Variants in PTPRN2 observed in about 807,000 individuals in gnomAD.
The protein encoded by PTPRN2 is receptor-type tyrosine-protein phosphatase N2.
PTPRN2 carries 74 observed loss-of-function variants against 118.8 expected under a neutral mutation model. That is an observed-to-expected ratio of 0.62 (90% CI 0.52 to 0.76). The LOEUF (loss-of-function observed/expected upper bound fraction) is 0.76, where lower values mean the gene tolerates loss of function less well. Among genes scored for constraint, PTPRN2 ranks in the 30% least tolerant of loss-of-function variants. The pLI, the probability that PTPRN2 is intolerant of heterozygous loss-of-function variation, is 0.00. For missense variants in PTPRN2, 1,481 were observed against 1,394.4 expected, an observed-to-expected ratio of 1.06 and a Z score of -0.99; for synonymous variants, 641 against 608.0, an observed-to-expected ratio of 1.05 and a Z score of -0.80.
chr7:157,997,560 G>A lies in PTPRN2; in HGVS notation c.1723+83738C>T, dbSNP rs917737877. Among the ~76,000 whole-genome samples the A allele has an allele frequency of 1.9e-4, 29 of 152,286 alleles. No individual in the cohort carries two copies. The East Asian group carries it at 5.3e-3, about 28-fold the overall frequency. ...AGAGGGAAGGACCAGGGAGGAGAAG[G>A]GAGCCACATTAGCCTGGCTGGGTGG... is the stretch of plus-strand genomic sequence containing the variant. On this transcript the variant is annotated intron_variant, in intron 11 of 22. Transcript: ENST00000389418.
intron 10 of PTPRN2, among the ~76,000 whole-genome samples, chr7:158,101,292 T>C (rs1815206185): frequency 6.6e-6 from 1 of 152,102 alleles, no homozygotes; most frequent in Non-Finnish European, 1.5e-5. Flanking sequence ...TAGTCAAAAA[T>C]GGTGCTGGGA....
At chr7:157,941,294 T>C (rs572466520) in intron 11 of PTPRN2, among the ~76,000 whole-genome samples, 4 of 64,770 alleles carry the variant, frequency 6.2e-5, no homozygotes, top group South Asian at 1.2e-3. Context: ...AATCTAACAC[T>C]CTCCCCTGTG....
intron 3 of PTPRN2, among the ~76,000 whole-genome samples, chr7:158,290,028 C>T (rs1800012838): frequency 6.6e-6 from 1 of 152,124 alleles, no homozygotes; most frequent in Non-Finnish European, 1.5e-5. Context: ...TAAGGCAGGA[C>T]TGGTGCTAGG....
In PTPRN2 at chr7:158,234,900, T is replaced by C. The variant is rs185955717; in HGVS notation, c.278-29627A>G. The stretch of plus-strand genomic sequence containing the variant: ...GCCTCAGCCTCCCGAGTAGCTGGGA[T>C]TACAGGCACCTGCCACCACACCCGG... On this transcript the variant is annotated intron_variant, in intron 3 of 22. Coordinates refer to ENST00000389418, the MANE Select transcript of PTPRN2 (RefSeq NM_002847.5). Among the ~76,000 whole-genome samples, 1,376 of 152,192 alleles carry C rather than the reference T, an allele frequency of 9.0e-3. 26 individuals are homozygous for C. Among genetic ancestry groups the C allele is most frequent in the African/African-American group, 0.031 (1,303 of 41,530 alleles).
intron 11 of PTPRN2, among the ~76,000 whole-genome samples, chr7:157,957,080 T>C (rs1340559474): frequency 1.3e-5 from 2 of 152,184 alleles, no homozygotes; most frequent in African/African-American, 4.8e-5. Flanking sequence ...GGAAATACAT[T>C]TGACCTCCAT....
intron 12 of PTPRN2, among the ~76,000 whole-genome samples, chr7:157,792,922 C>T (rs888796932): frequency 5.3e-5 from 8 of 152,188 alleles, no homozygotes; most frequent in Non-Finnish European, 7.4e-5. Flanking sequence ...CCCAGGGCCG[C>T]GGGTGCCGAG....
chr7:157,775,916 G>T (rs1352209715), intron 12 of PTPRN2, among the ~76,000 whole-genome samples: 1 of 152,066 alleles, frequency 6.6e-6, no homozygotes, highest in African/African-American at 2.4e-5. Flanking sequence ...ATGCTATAGG[G>T]ATGGTCAGTG....
At chr7:157,833,649 T>G (rs1807738342) in intron 12 of PTPRN2, among the ~76,000 whole-genome samples, 1 of 152,256 alleles carries the variant, frequency 6.6e-6, no homozygotes, top group Non-Finnish European at 1.5e-5. Context: ...ATGGTAAACT[T>G]GATGGAGCAT....
At chr7:158,095,189 C>G (rs1289093109) in intron 10 of PTPRN2, among the ~76,000 whole-genome samples, 4 of 151,702 alleles carry the variant, frequency 2.6e-5, no homozygotes, top group African/African-American at 9.7e-5. Context: ...ACGTCTCTGA[C>G]TGGAGAGACA....
intron 12 of PTPRN2, among the ~76,000 whole-genome samples, chr7:157,895,037 C>T (rs987788563): frequency 6.5e-4 from 78 of 119,308 alleles, no homozygotes; most frequent in African/African-American, 2.1e-3. Flanking sequence ...TCATCAACCA[C>T]AAAAGAGGAC....
At chr7:157,905,865 TC>T (rs1797741510) in intron 11 of PTPRN2, among the ~76,000 whole-genome samples, 1 of 152,148 alleles carries the variant, frequency 6.6e-6, no homozygotes, top group Admixed American at 6.5e-5. Context: ...ACCACTGGCT[TC>T]CTTAGGAAGG....
chr7:157,725,529 TCACCTCCCAGGAGAACTGGATATCC>T (rs1171936695), intron 12 of PTPRN2, among the ~76,000 whole-genome samples: 29 of 94,402 alleles, frequency 3.1e-4, no homozygotes, highest in African/African-American at 1.1e-3. Context: ...GGCCAGACCC[TCACCTCCCAGGAGAACTGGATATCC>T]ACACGCAGAG....
chr7:157,753,218 G>A (rs1051639361), intron 12 of PTPRN2, among the ~76,000 whole-genome samples: 3 of 152,180 alleles, frequency 2.0e-5, no homozygotes, highest in East Asian at 1.9e-4. Context: ...CTGTCCCCCG[G>A]GCAGTGCCAT....
At chr7:157,748,731 G>A in intron 12 of PTPRN2, among the ~76,000 whole-genome samples, 1 of 138,084 alleles carries the variant, frequency 7.2e-6, no homozygotes, top group South Asian at 2.5e-4. Flanking sequence ...CTGCGTCCCT[G>A]AGCTGTGGGC....
intron 2 of PTPRN2, among the ~76,000 whole-genome samples, chr7:158,470,246 GC>G (rs1563331551): frequency 6.6e-6 from 1 of 152,208 alleles, no homozygotes; most frequent in East Asian, 1.9e-4. Flanking sequence ...AAAAACTAAG[GC>G]CGACCAATAG....
chr7:158,079,764 C>G (rs982051782), intron 11 of PTPRN2, among the ~76,000 whole-genome samples: 4 of 152,214 alleles, frequency 2.6e-5, no homozygotes, highest in Admixed American at 2.6e-4. Context: ...GGCACTGAAG[C>G]CGTTGTTGGG....
In PTPRN2 at chr7:157,621,435, C is replaced by T. The variant is rs115236051; in HGVS notation, c.2271G>A (p.Ala757=). 4.3e-4 allele frequency: 688 copies of T among 1,613,962 alleles called. 3 individuals carry two copies. The African/African-American group carries it at 7.7e-3, about 18-fold the overall frequency. Reference sequence around the variant, plus strand: ...GGGCCACGAACGAGCTGTTGGGCTCCGCCTGGTAGGCGCACAGCGCTTCCC... The same window carrying T: ...GGGCCACGAACGAGCTGTTGGGCTCTGCCTGGTAGGCGCACAGCGCTTCCC... The part of the protein sequence containing the change: ...KEWEALCAYQ[A]EPNSSFVAQR... The change falls in exon 15 of 23, where the codon GCG becomes GCA. Residue 757 remains alanine, a synonymous_variant. Transcript: ENST00000389418.
chr7:158,229,221 A>G (rs2150817817), intron 3 of PTPRN2, among the ~76,000 whole-genome samples: 1 of 152,188 alleles, frequency 6.6e-6, no homozygotes, highest in Non-Finnish European at 1.5e-5. Flanking sequence ...AAGGGGGAGA[A>G]AAAGAAATTC....
chr7:158,356,515 AAAC>A (rs1240536781), intron 2 of PTPRN2, among the ~76,000 whole-genome samples: 1 of 152,154 alleles, frequency 6.6e-6, no homozygotes. Context: ...ACATAATCAA[AAAC>A]AACAGTGGTG....
Sources: gnomAD v4.1 joint callset for allele counts (sites outside exome capture counted in the v4.1 genomes callset) on GRCh38, gnomAD v4.1.1 for gene constraint, MANE v1.5 for transcripts, NCBI Gene and HGNC (gene_info 2026-07-23, HGNC 2026-07-21) for gene names.